Variants in APOBEC3F observed in about 807,000 individuals in gnomAD.
APOBEC3F encodes apolipoprotein B mRNA editing enzyme catalytic subunit 3F.
APOBEC3F carries 34 observed loss-of-function variants against 45.8 expected under a neutral mutation model. The ratio of observed to expected loss-of-function variants is 0.74; its 90% confidence interval spans 0.57 to 0.99. The LOEUF is 0.99. Ranked by LOEUF, APOBEC3F falls within the 50% of genes least tolerant of loss-of-function variation. APOBEC3F has a pLI of 0.00. For missense variants in APOBEC3F, 459 were observed against 474.1 expected (o/e 0.97, Z 0.30); for synonymous variants, 192 against 174.4 (o/e 1.10, Z -0.80).
chr22:39,054,424 G>T lies in APOBEC3F; in HGVS notation c.*1729G>T, dbSNP rs899714180. ...TTTTTGTGTTTTTAGTAGAGACGGG[G>T]TTTCAACATCTTGACCAGGCTGGTC... On this transcript the variant is annotated 3_prime_UTR_variant, in exon 7 of 7. Transcript: ENST00000308521. 6.6e-6 allele frequency among the ~76,000 whole-genome samples: 1 copy of T among 152,116 alleles called. No homozygotes were observed. The highest frequency in any genetic ancestry group is 6.6e-5 in the Admixed American group (1 of 15,262).
At chr22:39,051,513 G>A (rs907710707) in intron 5 of APOBEC3F, among the ~76,000 whole-genome samples, 3 of 150,334 alleles carry the variant, frequency 2.0e-5, no homozygotes, top group Non-Finnish European at 4.4e-5. Context: ...CTACAGCATG[G>A]GTGACAGAGC....
chr22:39,044,891 C>T (rs773686604), intron 2 of APOBEC3F, 50 bp from the exon 3 acceptor site: 1 of 1,554,702 alleles, frequency 6.4e-7, no homozygotes. Context: ...CCCCTGCACT[C>T]CTCCTGCTCC....
At chr22:39,042,358 C>G (rs932104824) in intron 1 of APOBEC3F, among the ~76,000 whole-genome samples, 6 of 144,796 alleles carry the variant, frequency 4.1e-5, no homozygotes, top group African/African-American at 1.6e-4. Flanking sequence ...GTAGCCCAGG[C>G]TGGAGTGCAG....
At chr22:39,044,805 A>T in intron 2 of APOBEC3F, 136 bp from the exon 3 acceptor site, 7 of 819,294 alleles carry the variant, frequency 8.5e-6, no homozygotes, top group Non-Finnish European at 1.1e-5. Flanking sequence ...CAAACTAAAC[A>T]GGGGGGATGG....
rs769618004 is a variant in APOBEC3F at position 39,052,080 on chromosome 22, C to T, written c.730C>T (p.Pro244Ser). The T allele has an allele frequency of 1.9e-6, 3 of 1,611,534 alleles. No homozygotes were observed. Among genetic ancestry groups the T allele is most frequent in the Non-Finnish European group, 2.5e-6 (3 of 1,177,912 alleles). The change falls in exon 6 of 7, where the codon CCT (proline) becomes TCT (serine). Residue 244 changes from proline to serine, a missense_variant. Coordinates refer to ENST00000308521, the MANE Select transcript of APOBEC3F (RefSeq NM_145298.6). ...CCTCCTCCTCCTTCCCCAGGTGGAT[C>T]CTGAGACCCATTGTCATGCAGAAAG... ...KRGVFRNQVD[P>S]ETHCHAERCF...
intron 4 of APOBEC3F, among the ~76,000 whole-genome samples, chr22:39,048,112 A>T (rs1269598845): frequency 1.3e-5 from 2 of 152,196 alleles, no homozygotes; most frequent in African/African-American, 4.8e-5. Context: ...GTAGGAAAAA[A>T]TATGATGATC....
In APOBEC3F at chr22:39,055,156, T is replaced by G. The variant is rs1927650536; in HGVS notation, c.*2461T>G. On this transcript the variant is annotated 3_prime_UTR_variant, in exon 7 of 7. Transcript: ENST00000308521. ...GGCACAATCTCAGCTCACTGCAACC[T>G]CTGCCTTCCGAGTTCAAGCGATTCT... 6.6e-6 allele frequency among the ~76,000 whole-genome samples: 1 copy of G among 151,350 alleles called. No individual in the cohort carries two copies. The highest frequency in any genetic ancestry group is 2.4e-5 in the African/African-American group (1 of 41,140).
chr22:39,049,699 C>CA, intron 5 of APOBEC3F, 118 bp downstream of exon 5: 2 of 826,704 alleles, frequency 2.4e-6, no homozygotes, highest in Non-Finnish European at 3.4e-6. Context: ...TCTTACATTT[C>CA]TTTTTTTTTT....
chr22:39,052,608 C>T lies in APOBEC3F; in HGVS notation c.1035C>T (p.Tyr345=), dbSNP rs752669195. 7 of 1,613,852 alleles carry T rather than the reference C, an allele frequency of 4.3e-6. No individual in the cohort carries two copies. Among genetic ancestry groups the T allele is most frequent in the Non-Finnish European group, 5.9e-6 (7 of 1,179,884 alleles). ...AATATTGTTGGGAAAACTTTGTGTA[C>T]AATGATGATGAGCCATTCAAGCCTT... ...DFKYCWENFV[Y]NDDEPFKPWK... The change falls in exon 7 of 7, where the codon TAC becomes TAT. Residue 345 remains tyrosine (Y), a synonymous_variant. Transcript: ENST00000308521.
chr22:39,048,395 C>T (rs953855598), intron 4 of APOBEC3F, among the ~76,000 whole-genome samples: 1 of 152,208 alleles, frequency 6.6e-6, no homozygotes, highest in Non-Finnish European at 1.5e-5. Flanking sequence ...CCTAGGCTGG[C>T]CGGGCACAGT....
chr22:39,042,229 A>T (rs565661994), intron 1 of APOBEC3F, among the ~76,000 whole-genome samples: 1 of 152,320 alleles, frequency 6.6e-6, no homozygotes, highest in African/African-American at 2.4e-5. Context: ...CAATAGTAAT[A>T]TACAGAGGTG....
At chr22:39,043,151 A>G (rs1347472370) in intron 2 of APOBEC3F, 61 bp downstream of exon 2, 1 of 1,589,144 alleles carries the variant, frequency 6.3e-7, no homozygotes, top group Non-Finnish European at 8.6e-7. Context: ...AAAGCAAACC[A>G]CGCACTGATA....
At chr22:39,051,459 C>T (rs576170252) in intron 5 of APOBEC3F, among the ~76,000 whole-genome samples, 45 of 151,306 alleles carry the variant, frequency 3.0e-4, no homozygotes, top group Admixed American at 2.7e-3. Flanking sequence ...ATGGCGTGAA[C>T]CCCGGAGGCG....
At chr22:39,043,544 A>T (rs1446312006) in intron 2 of APOBEC3F, among the ~76,000 whole-genome samples, 1 of 149,268 alleles carries the variant, frequency 6.7e-6, no homozygotes, top group African/African-American at 2.5e-5. Context: ...TTCTGACCTC[A>T]GGTGATCCAC....
At position 39,052,369 on chromosome 22, in the gene APOBEC3F, G is replaced by A; in HGVS notation, c.1003+16G>A. 6.2e-7 allele frequency: 1 copy of A among 1,613,118 alleles called. No individual in the cohort carries two copies. Among genetic ancestry groups the A allele is most frequent in the Non-Finnish European group, 8.5e-7 (1 of 1,179,128 alleles). ...GGCTACAAAGGTGAGACGTTGGGGG[G>A]CTGAGGAGAGTGGGTGCGGGAGGGA... is the stretch of plus-strand genomic sequence containing the variant. On this transcript the variant is annotated intron_variant, in intron 6 of 6. Coordinates refer to ENST00000308521, the MANE Select transcript of APOBEC3F (RefSeq NM_145298.6).
chr22:39,045,936 C>T (rs934646261), intron 4 of APOBEC3F, among the ~76,000 whole-genome samples: 1 of 151,668 alleles, frequency 6.6e-6, no homozygotes, highest in Admixed American at 6.6e-5. Context: ...CGACCTGAGT[C>T]CCTGAGAAGG....
chr22:39,054,657 G>C lies in APOBEC3F; in HGVS notation c.*1962G>C, dbSNP rs1404313938. 2.0e-5 allele frequency among the ~76,000 whole-genome samples: 3 copies of C among 152,218 alleles called. No individual in the cohort carries two copies. The highest frequency in any genetic ancestry group is 7.2e-5 in the African/African-American group (3 of 41,454). On this transcript the variant is annotated 3_prime_UTR_variant, in exon 7 of 7. Coordinates refer to ENST00000308521, the MANE Select transcript of APOBEC3F (RefSeq NM_145298.6). ...TTTAATAGGACCTGTTGCTGTCTCT[G>C]TTCTCCCAACATGGTGAACACCACC... is the stretch of plus-strand genomic sequence containing the variant.
intron 5 of APOBEC3F, among the ~76,000 whole-genome samples, chr22:39,051,134 G>A (rs956263309): frequency 1.3e-5 from 2 of 151,990 alleles, no homozygotes; most frequent in African/African-American, 4.8e-5. Context: ...CTACTTGGGT[G>A]GCTTAGGCAG....
rs1276205638 is a variant in APOBEC3F, at chr22:39,046,619, A to AT, written c.566+1093dup. Among the ~76,000 whole-genome samples the AT allele has an allele frequency of 8.1e-3, 1,151 of 142,784 alleles. 5 individuals carry two copies. Among genetic ancestry groups the AT allele is most frequent in the African/African-American group, 0.016 (629 of 39,056 alleles). 93.7% of individuals were successfully genotyped at this position (142,784 alleles called of 152,430 possible). ...GTGATCAAGGTCCCAATTGAATAAG[A>AT]TTTTTTTTTTTTTTTTGAGACACTG... On this transcript the variant is annotated intron_variant, in intron 4 of 6. Transcript: ENST00000308521.
Sources: allele counts gnomAD v4.1 joint callset (sites outside exome capture counted in the v4.1 genomes callset), GRCh38; gene constraint gnomAD v4.1.1; transcripts MANE v1.5; gene names NCBI Gene and HGNC (gene_info 2026-07-23, HGNC 2026-07-21).